USP13: variants seen among roughly 807,000 people sequenced by gnomAD.
The protein encoded by USP13 is ubiquitin specific peptidase 13.
In USP13, 68 loss-of-function variants were observed where a neutral mutation model predicts 107.8. That is an observed-to-expected ratio of 0.63 (90% CI 0.52 to 0.77). The LOEUF (loss-of-function observed/expected upper bound fraction) is 0.77. Among genes scored for constraint, USP13 ranks in the 30% least tolerant of loss-of-function variants. The pLI is 0.00. For missense variants in USP13, 945 were observed against 1,093.3 expected (o/e 0.86, Z 1.91); for synonymous variants, 377 against 389.5 (o/e 0.97, Z 0.38).
intron 1 of USP13, among the ~76,000 whole-genome samples, chr3:179,665,652 C>A (rs1314127830): frequency 2.6e-5 from 4 of 151,554 alleles, no homozygotes; most frequent in Admixed American, 6.6e-5. Context: ...GTGGTGTGAT[C>A]TCGGCTCACT....
intron 1 of USP13, among the ~76,000 whole-genome samples, chr3:179,659,540 C>T (rs1470984429): frequency 1.3e-5 from 2 of 152,152 alleles, no homozygotes; most frequent in Non-Finnish European, 2.9e-5. Flanking sequence ...AGGGCACTTA[C>T]TAGGTGCCAT....
intron 10 of USP13, among the ~76,000 whole-genome samples, chr3:179,739,208 A>G (rs962978770): frequency 2.0e-5 from 3 of 152,198 alleles, no homozygotes; most frequent in Admixed American, 1.3e-4. Flanking sequence ...AGGGTCCTGC[A>G]TGGGGCATTT....
At chr3:179,702,495 G>A (rs897987096) in intron 4 of USP13, among the ~76,000 whole-genome samples, 23 of 152,152 alleles carry the variant, frequency 1.5e-4, no homozygotes, top group African/African-American at 5.3e-4. Flanking sequence ...TCTTCTGGAC[G>A]TTGCATGACT....
chr3:179,777,377 C>T (rs899110010), intron 19 of USP13, among the ~76,000 whole-genome samples: 2 of 151,062 alleles, frequency 1.3e-5, no homozygotes, highest in Non-Finnish European at 2.9e-5. Flanking sequence ...TTGCTGAAGC[C>T]ATTGTTTTGC....
chr3:179,684,034 C>T (rs12496806), intron 2 of USP13, among the ~76,000 whole-genome samples: 84,888 of 151,404 alleles, frequency 0.56, 25,064 homozygotes, highest in Admixed American at 0.69. Flanking sequence ...GATCTTGGCT[C>T]ACTGCAACCT....
chr3:179,677,039 G>A (rs1270040408), intron 1 of USP13, among the ~76,000 whole-genome samples: 1 of 151,896 alleles, frequency 6.6e-6, no homozygotes, highest in African/African-American at 2.4e-5. Flanking sequence ...TGTATTTTTA[G>A]TAGAGACTGG....
At chr3:179,682,535 G>T (rs1387616127) in intron 2 of USP13, among the ~76,000 whole-genome samples, 1 of 152,144 alleles carries the variant, frequency 6.6e-6, no homozygotes, top group Admixed American at 6.5e-5. Flanking sequence ...ATGTTTTAAA[G>T]ATGTAGATAA....
chr3:179,776,858 GTTTTTTTTTTTTT>G (rs71628094), intron 19 of USP13, among the ~76,000 whole-genome samples: 1 of 78,302 alleles, frequency 1.3e-5, no homozygotes, highest in Non-Finnish European at 2.4e-5. Context: ...TAGAGTGCTG[GTTTTTTTTTTTTT>G]TTTTTTTTTT....
At chr3:179,697,254 T>C (rs1712359457) in intron 3 of USP13, among the ~76,000 whole-genome samples, 1 of 152,268 alleles carries the variant, frequency 6.6e-6, no homozygotes, top group South Asian at 2.1e-4. Context: ...CAGAAGGTTC[T>C]AATAAACTAC....
intron 5 of USP13, 45 bp downstream of exon 5, chr3:179,707,121 C>T: frequency 1.3e-6 from 2 of 1,549,982 alleles, no homozygotes; most frequent in Non-Finnish European, 8.7e-7. Context: ...CTAAAACTGT[C>T]CAAAGGAATA....
At chr3:179,728,828 G>A (rs1198242592) in intron 8 of USP13, among the ~76,000 whole-genome samples, 2 of 152,122 alleles carry the variant, frequency 1.3e-5, no homozygotes, top group Non-Finnish European at 2.9e-5. Context: ...AAAAAAATAC[G>A]AGAACCAGTC....
intron 3 of USP13, among the ~76,000 whole-genome samples, chr3:179,692,519 C>A (rs1278030194): frequency 6.6e-6 from 1 of 152,200 alleles, no homozygotes; most frequent in African/African-American, 2.4e-5. Context: ...AAACCCAAAC[C>A]AAGCTAGCAT....
chr3:179,681,889 T>C lies in USP13; in HGVS notation c.180T>C (p.Gly60=). ...AFSYDSPNSE[G]GLYVCMNTFL... ...TCTCTTTCTTCTAGAATTCTGAAGGTGGACTCTATGTATGCATGAATACAT... is the reference window on the plus strand; with the variant it reads ...TCTCTTTCTTCTAGAATTCTGAAGGCGGACTCTATGTATGCATGAATACAT... The change falls in exon 2 of 21, where the codon GGT becomes GGC. Residue 60 remains glycine, a synonymous_variant. Transcript: ENST00000263966. The C allele has an allele frequency of 2.5e-6, 4 of 1,612,660 alleles. No individual in the cohort carries two copies. The highest frequency in any genetic ancestry group is 3.4e-6 in the Non-Finnish European group (4 of 1,179,334).
At chr3:179,718,639 A>G (rs1249212900) in intron 6 of USP13, among the ~76,000 whole-genome samples, 2 of 152,216 alleles carry the variant, frequency 1.3e-5, no homozygotes, top group African/African-American at 4.8e-5. Flanking sequence ...TGGATAGGGC[A>G]GCGGATTGGA....
chr3:179,656,704 T>A (rs1720273015), intron 1 of USP13, among the ~76,000 whole-genome samples: 1 of 152,222 alleles, frequency 6.6e-6, no homozygotes, highest in Admixed American at 6.5e-5. Flanking sequence ...AAGTGGTTCT[T>A]GCTCTATGAA....
chr3:179,772,250 C>A (rs1218837169), intron 19 of USP13, among the ~76,000 whole-genome samples: 1 of 152,220 alleles, frequency 6.6e-6, no homozygotes, highest in African/African-American at 2.4e-5. Context: ...GTCACTCTGA[C>A]CTATCGGGGC....
rs1560037613 is a variant in USP13, at chr3:179,657,783, A to AAAAG, written c.168+4398_168+4401dup. Among the ~76,000 whole-genome samples, 64 of 148,364 alleles carry AAAAG rather than the reference A, an allele frequency of 4.3e-4. 2 individuals carry two copies. Among genetic ancestry groups the AAAAG allele is most frequent in the African/African-American group, 1.4e-3 (56 of 39,530 alleles). ...GTCTCAAAAAAAAAAAAAAAAAAAA[A>AAAAG]AAAGAAAGAAAAAGAGTTAATCACA... On this transcript the variant is annotated intron_variant, in intron 1 of 20. Coordinates refer to ENST00000263966, the MANE Select transcript of USP13 (RefSeq NM_003940.3).
intron 8 of USP13, among the ~76,000 whole-genome samples, chr3:179,723,142 T>A (rs1158454193): frequency 6.6e-6 from 1 of 152,236 alleles, no homozygotes; most frequent in Non-Finnish European, 1.5e-5. Flanking sequence ...GTCCAGGTCA[T>A]GTTTTACCCA....
At chr3:179,699,739 CTTATTTATTTTAT>C (rs1277629557) in intron 3 of USP13, among the ~76,000 whole-genome samples, 38 of 137,322 alleles carry the variant, frequency 2.8e-4, no homozygotes, top group Non-Finnish European at 9.2e-5. Context: ...TTAGCTGTAT[CTTATTTATTTTAT>C]TTATTTATTT....
Sources: gnomAD v4.1 joint callset for allele counts (sites outside exome capture counted in the v4.1 genomes callset) on GRCh38, gnomAD v4.1.1 for gene constraint, MANE v1.5 for transcripts, NCBI Gene and HGNC (gene_info 2026-07-23, HGNC 2026-07-21) for gene names.